Variants in IMPACT observed in about 807,000 individuals in gnomAD.
IMPACT encodes impact RWD domain protein.
In IMPACT, 35 loss-of-function variants were observed where a neutral mutation model predicts 47.5. That is an observed-to-expected ratio of 0.74 (90% CI 0.56 to 0.98). IMPACT has a LOEUF of 0.98. IMPACT is among the 50% of genes least tolerant of loss of function. The pLI, the probability that IMPACT is intolerant of heterozygous loss-of-function variation, is 0.00. For synonymous variants in IMPACT, 118 were observed against 125.6 expected (o/e 0.94, Z 0.40); for missense variants, 373 against 394.8 (o/e 0.94, Z 0.47).
At chr18:24,435,741 C>T (rs1317795706) in intron 4 of IMPACT, among the ~76,000 whole-genome samples, 1 of 152,074 alleles carries the variant, frequency 6.6e-6, no homozygotes, top group Non-Finnish European at 1.5e-5. Flanking sequence ...GGCAGTTAAT[C>T]GGGTGTGTTG....
In IMPACT at chr18:24,453,462, C is replaced by T. The variant is rs1909440435; in HGVS notation, c.*2615C>T. ...TTAAACTGTATATACTGTTTTGTAG[C>T]CTACATATTTCATATAGAAGTATAT... On this transcript the variant is annotated 3_prime_UTR_variant, in exon 11 of 11. Transcript: ENST00000284202. 1 of 151,984 alleles carries T rather than the reference C, an allele frequency of 6.6e-6. No individual in the cohort carries two copies. Among genetic ancestry groups the T allele is most frequent in the Non-Finnish European group, 1.5e-5 (1 of 67,998 alleles). The allele number at this position is 151,984 out of a possible 1,614,324, so 9.4% of individuals were successfully genotyped here.
chr18:24,446,020 C>T (rs773309314), intron 8 of IMPACT, among the ~76,000 whole-genome samples: 5 of 152,040 alleles, frequency 3.3e-5, no homozygotes, highest in South Asian at 4.1e-4. Flanking sequence ...GTAGAATTAT[C>T]AAAAAGTGTG....
chr18:24,430,617 T>TA (rs1425824289), intron 4 of IMPACT, among the ~76,000 whole-genome samples: 1 of 152,142 alleles, frequency 6.6e-6, no homozygotes, highest in African/African-American at 2.4e-5. Flanking sequence ...CTAACAACTG[T>TA]AAAAAACACT....
intron 3 of IMPACT, chr18:24,429,742 A>G (rs1908703273): frequency 1.3e-5 from 2 of 152,034 alleles, no homozygotes; most frequent in African/African-American, 4.8e-5. Flanking sequence ...TGCAAATGAT[A>G]GATATAGAAT....
At chr18:24,434,776 A>AATATAT (rs1555666476) in intron 4 of IMPACT, among the ~76,000 whole-genome samples, 5 of 113,998 alleles carry the variant, frequency 4.4e-5, no homozygotes, top group African/African-American at 2.1e-4. Context: ...AAAAAAAAAA[A>AATATAT]ATATATATAT....
Position 24,448,093 on chromosome 18 carries a change from A to G in IMPACT, c.669A>G (p.Arg223=), listed in dbSNP as rs776558859. The change falls in exon 9 of 11, where the codon AGA becomes AGG. Residue 223 remains arginine, a splice_region_variant and synonymous_variant. Coordinates refer to ENST00000284202, the MANE Select transcript of IMPACT (RefSeq NM_018439.4). ...GTAATACTCTTACATGTATTTGCAG[A>G]ATATATTGTGAGGATAAACAGACCT... ...ASATHNIYAY[R]IYCEDKQTFL... is the part of the protein sequence containing the mutation. 6.3e-7 allele frequency: 1 copy of G among 1,596,652 alleles called. No homozygotes were observed. The highest frequency in any genetic ancestry group is 2.2e-5 in the East Asian group (1 of 44,724).
At chr18:24,437,415 T>C (rs1225503285) in intron 4 of IMPACT, among the ~76,000 whole-genome samples, 1 of 152,188 alleles carries the variant, frequency 6.6e-6, no homozygotes, top group Non-Finnish European at 1.5e-5. Context: ...GGCAATAGAA[T>C]GTTTTGTCAG....
At chr18:24,434,033 TACAGG>T in intron 4 of IMPACT, among the ~76,000 whole-genome samples, 1 of 151,932 alleles carries the variant, frequency 6.6e-6, no homozygotes, top group South Asian at 2.1e-4. Context: ...AAGGGGGAAA[TACAGG>T]TTTTTAAAAA....
At chr18:24,448,273 G>T in intron 9 of IMPACT, 90 bp downstream of exon 9, 2 of 724,784 alleles carry the variant, frequency 2.8e-6, no homozygotes, top group Non-Finnish European at 2.4e-6. Context: ...AGCTAAGTCA[G>T]TTGAACTATG....
chr18:24,429,195 T>C (rs1908687105), intron 3 of IMPACT, among the ~76,000 whole-genome samples: 1 of 152,174 alleles, frequency 6.6e-6, no homozygotes, highest in Non-Finnish European at 1.5e-5. Context: ...CCTTCCTCTT[T>C]AGCCTAGTAA....
chr18:24,431,028 TA>T (rs1468737564), intron 4 of IMPACT, among the ~76,000 whole-genome samples: 1 of 152,248 alleles, frequency 6.6e-6, no homozygotes, highest in African/African-American at 2.4e-5. Flanking sequence ...GGCACTGTAC[TA>T]GATCCTGGGT....
At chr18:24,427,884 C>T in intron 1 of IMPACT, 35 bp from the exon 2 acceptor site, 19 of 1,574,258 alleles carry the variant, frequency 1.2e-5, no homozygotes, top group Non-Finnish European at 1.5e-5. Flanking sequence ...AAGATGTGTA[C>T]ATTTGTTGAC....
chr18:24,448,504 C>T (rs777302824), intron 9 of IMPACT, among the ~76,000 whole-genome samples: 2 of 151,320 alleles, frequency 1.3e-5, no homozygotes, highest in Admixed American at 6.6e-5. Flanking sequence ...TATGGAACTC[C>T]GGTTAGTTGG....
chr18:24,439,874 A>G (rs1004427331), intron 5 of IMPACT, among the ~76,000 whole-genome samples: 2 of 152,106 alleles, frequency 1.3e-5, no homozygotes, highest in Non-Finnish European at 2.9e-5. Context: ...AAGATTAACC[A>G]TTGCAGTCAC....
intron 1 of IMPACT, chr18:24,427,317 C>CT (rs1425472754): frequency 6.5e-6 from 1 of 154,418 alleles, no homozygotes; most frequent in Non-Finnish European, 1.4e-5. Context: ...CGAATGGATA[C>CT]TTTGCTTCCC....
intron 9 of IMPACT, among the ~76,000 whole-genome samples, chr18:24,448,752 T>TTATA (rs1301549201): frequency 1.3e-5 from 2 of 152,100 alleles, no homozygotes; most frequent in African/African-American, 4.8e-5. Context: ...ATTTCTCTGA[T>TTATA]TATATTAATT....
At position 24,453,337 on chromosome 18, in the gene IMPACT, T is replaced by G. The variant is rs1909435023; in HGVS notation, c.*2490T>G. The G allele has an allele frequency of 6.6e-6, 1 of 152,218 alleles. No individual in the cohort carries two copies. Among genetic ancestry groups the G allele is most frequent in the South Asian group, 2.1e-4 (1 of 4,828 alleles). The allele number at this position is 152,218 out of a possible 1,614,324, so 9.4% of individuals were successfully genotyped here. A position where few individuals can be genotyped will look rare whatever the true frequency, so the allele number is the denominator to read the frequency against. On this transcript the variant is annotated 3_prime_UTR_variant, in exon 11 of 11. Transcript: ENST00000284202. ...TCCCTCTGATTCCACTATCCAGAGA[T>G]AGCCATTATTATTAATATTTGGTAT...
chr18:24,442,045 T>G (rs903939975), intron 6 of IMPACT, among the ~76,000 whole-genome samples: 1 of 151,994 alleles, frequency 6.6e-6, no homozygotes, highest in African/African-American at 2.4e-5. Flanking sequence ...ACATCTTACA[T>G]AAACCTACTT....
At chr18:24,444,994 G>C (rs1240165921) in intron 7 of IMPACT, among the ~76,000 whole-genome samples, 1 of 152,172 alleles carries the variant, frequency 6.6e-6, no homozygotes, top group Non-Finnish European at 1.5e-5. Context: ...CCCAGAGAAA[G>C]ATGTGGTTTT....
Sources: allele counts gnomAD v4.1 joint callset (sites outside exome capture counted in the v4.1 genomes callset), GRCh38; gene constraint gnomAD v4.1.1; transcripts MANE v1.5; gene names NCBI Gene and HGNC (gene_info 2026-07-23, HGNC 2026-07-21).